CNST: variants seen among roughly 807,000 people sequenced by gnomAD.
CNST encodes the protein consortin, connexin sorting protein, also known as consortin.
CNST carries 39 observed loss-of-function variants against 72.4 expected under a neutral mutation model. The observed-to-expected ratio is 0.54, with a 90% CI of 0.42 to 0.70. The LOEUF (loss-of-function observed/expected upper bound fraction) is 0.70. Among genes scored for constraint, CNST ranks in the 30% least tolerant of loss-of-function variants. The pLI, the probability that CNST is intolerant of heterozygous loss-of-function variation, is 0.00. For missense variants in CNST, 871 were observed against 868.5 expected (o/e 1.00, Z -0.04); for synonymous variants, 332 against 320.1 (o/e 1.04, Z -0.40).
At chr1:246,624,007 G>A (rs1664261110) in intron 3 of CNST, among the ~76,000 whole-genome samples, 2 of 152,230 alleles carry the variant, frequency 1.3e-5, no homozygotes, top group South Asian at 4.2e-4. Flanking sequence ...AGGCTGCAAT[G>A]AGCCGTGATT....
intron 9 of CNST, among the ~76,000 whole-genome samples, chr1:246,654,977 A>G (rs1666693342): frequency 6.6e-6 from 1 of 152,218 alleles, no homozygotes; most frequent in Non-Finnish European, 1.5e-5. Context: ...ACAAAAATAT[A>G]GTTTTGGATA....
intron 9 of CNST, among the ~76,000 whole-genome samples, chr1:246,650,071 C>T (rs1053879841): frequency 1.3e-5 from 2 of 151,968 alleles, no homozygotes; most frequent in Admixed American, 6.6e-5. Flanking sequence ...TAAAATTGTT[C>T]TCAACTGAGT....
intron 2 of CNST, among the ~76,000 whole-genome samples, chr1:246,594,428 C>T (rs1661744685): frequency 6.6e-6 from 1 of 152,254 alleles, no homozygotes; most frequent in South Asian, 2.1e-4. Context: ...AGTCTTTATA[C>T]AGCTTACTTT....
chr1:246,663,585 C>T (rs1376870879), intron 10 of CNST, among the ~76,000 whole-genome samples: 3 of 151,906 alleles, frequency 2.0e-5, no homozygotes, highest in Non-Finnish European at 4.4e-5. Context: ...TATAACAATA[C>T]AAAAAGTAGC....
intron 6 of CNST, among the ~76,000 whole-genome samples, chr1:246,637,473 G>A (rs192951495): frequency 2.6e-5 from 4 of 152,354 alleles, no homozygotes; most frequent in African/African-American, 9.6e-5. Context: ...AGAGTCTGGT[G>A]ATGGCGGAGG....
intron 8 of CNST, among the ~76,000 whole-genome samples, chr1:246,646,530 G>C (rs539634624): frequency 2.9e-4 from 44 of 152,178 alleles, no homozygotes; most frequent in African/African-American, 1.0e-3. Context: ...GCCCAGGCTG[G>C]AGTGCAATGG....
intron 3 of CNST, among the ~76,000 whole-genome samples, chr1:246,625,776 G>C (rs1664390086): frequency 6.6e-6 from 1 of 152,004 alleles, no homozygotes; most frequent in Admixed American, 6.6e-5. Flanking sequence ...AATTTACTTA[G>C]GTAACATTCC....
intron 1 of CNST, among the ~76,000 whole-genome samples, chr1:246,574,519 G>A (rs1205771050): frequency 1.3e-5 from 2 of 152,032 alleles, no homozygotes; most frequent in East Asian, 3.9e-4. Flanking sequence ...TCAAACTCCT[G>A]GACTCAAGCA....
At chr1:246,605,330 T>G (rs898747297) in intron 2 of CNST, among the ~76,000 whole-genome samples, 1 of 152,192 alleles carries the variant, frequency 6.6e-6, no homozygotes, top group Non-Finnish European at 1.5e-5. Flanking sequence ...AATCCCAGCA[T>G]TTTGGGAGGC....
intron 2 of CNST, among the ~76,000 whole-genome samples, chr1:246,603,224 C>T (rs141759125): frequency 2.6e-4 from 40 of 152,186 alleles, no homozygotes; most frequent in African/African-American, 5.1e-4. Flanking sequence ...TTTTAAAATA[C>T]GGTATTTTAT....
At chr1:246,585,140 C>T (rs187068695) in intron 1 of CNST, among the ~76,000 whole-genome samples, 33 of 152,206 alleles carry the variant, frequency 2.2e-4, no homozygotes, top group Admixed American at 1.6e-3. Flanking sequence ...TAGGTCCCAC[C>T]GCAAGGCCTG....
intron 1 of CNST, among the ~76,000 whole-genome samples, chr1:246,576,211 G>A (rs1660404709): frequency 1.4e-4 from 1 of 7,252 alleles, no homozygotes; most frequent in Non-Finnish European, 1.0e-3. Flanking sequence ...CTCCAGCCTG[G>A]GCGACAGAGC....
At chr1:246,614,759 C>T (rs190912765) in intron 2 of CNST, among the ~76,000 whole-genome samples, 20 of 152,168 alleles carry the variant, frequency 1.3e-4, no homozygotes, top group African/African-American at 4.8e-4. Flanking sequence ...TGTGAGCCAC[C>T]ATGCCCGGCT....
intron 3 of CNST, 104 bp downstream of exon 3, chr1:246,621,738 T>A: frequency 1.0e-6 from 1 of 986,712 alleles, no homozygotes. Flanking sequence ...CTCATGCCTG[T>A]AATCCCAGCA....
chr1:246,601,158 T>A (rs1485984690), intron 2 of CNST, among the ~76,000 whole-genome samples: 1 of 151,490 alleles, frequency 6.6e-6, no homozygotes, highest in Admixed American at 6.6e-5. Flanking sequence ...ATAAAAAAAA[T>A]AGCAGGCGTG....
intron 6 of CNST, among the ~76,000 whole-genome samples, chr1:246,640,743 A>G (rs1665630640): frequency 6.6e-6 from 1 of 152,216 alleles, no homozygotes; most frequent in Non-Finnish European, 1.5e-5. Context: ...ACTCACTAAC[A>G]AATATTTATT....
chr1:246,580,928 G>C (rs531362226), intron 1 of CNST, among the ~76,000 whole-genome samples: 6 of 151,604 alleles, frequency 4.0e-5, no homozygotes, highest in Non-Finnish European at 7.4e-5. Context: ...TTCAGTAGAC[G>C]GGATTTCACC....
chr1:246,665,822 G>C lies in CNST; in HGVS notation c.2095G>C (p.Asp699His). ...TGACATGGAGTCACCTGTTTGTACT[G>C]ACTTTGCAGACAACATGGACTTCTA... ...FGDMESPVCT[D>H]FADNMDFYYT... Residue 699 changes from aspartate to histidine, a missense_variant, in exon 11 of 11, where the codon GAC (aspartate) becomes CAC (histidine). By Grantham distance (81) the Asp-to-His change is moderately conservative. Transcript: ENST00000366513. 1.9e-6 allele frequency: 3 copies of C among 1,614,022 alleles called. No homozygotes were observed. The highest frequency in any genetic ancestry group is 2.5e-6 in the Non-Finnish European group (3 of 1,179,982).
At chr1:246,620,817 C>T (rs909866891) in intron 2 of CNST, among the ~76,000 whole-genome samples, 18 of 146,778 alleles carry the variant, frequency 1.2e-4, no homozygotes, top group African/African-American at 2.8e-4. Flanking sequence ...CGGCTTCAGT[C>T]GTGCATACAC....
Sources: allele counts gnomAD v4.1 joint callset (sites outside exome capture counted in the v4.1 genomes callset), GRCh38; gene constraint gnomAD v4.1.1; transcripts MANE v1.5; gene names NCBI Gene and HGNC (gene_info 2026-07-23, HGNC 2026-07-21).